The following PLCH1 variants were observed in gnomAD, a reference collection of about 807,000 sequenced individuals.
The protein encoded by PLCH1 is phospholipase C eta 1, also known as 1-phosphatidylinositol 4,5-bisphosphate phosphodiesterase eta-1.
PLCH1 carries 60 observed loss-of-function variants against 126.7 expected under a neutral mutation model. The ratio of observed to expected loss-of-function variants is 0.47; its 90% confidence interval spans 0.38 to 0.59. The LOEUF is 0.59. PLCH1 is among the 20% of genes least tolerant of loss of function. The pLI is 0.00. For synonymous variants in PLCH1, 719 were observed against 734.9 expected, an observed-to-expected ratio of 0.98 and a Z score of 0.35; for missense variants, 1,723 against 2,040.0, an observed-to-expected ratio of 0.84 and a Z score of 2.99.
chr3:155,589,065 G>A (rs967437974), intron 4 of PLCH1, among the ~76,000 whole-genome samples: 3 of 152,120 alleles, frequency 2.0e-5, no homozygotes, highest in Admixed American at 6.6e-5. Flanking sequence ...TTTAAAAAGA[G>A]AAACAGTCAT....
chr3:155,603,381 A>C (rs55711417), intron 2 of PLCH1, among the ~76,000 whole-genome samples: 74,354 of 152,020 alleles, frequency 0.49, 21,246 homozygotes, highest in Non-Finnish European at 0.65. Flanking sequence ...TCAGGGCAGA[A>C]GTAAAGGGTA....
At chr3:155,600,435 G>A (rs1288392488) in intron 2 of PLCH1, among the ~76,000 whole-genome samples, 2 of 152,108 alleles carry the variant, frequency 1.3e-5, no homozygotes, top group African/African-American at 4.8e-5. Flanking sequence ...GGTAAACAAG[G>A]GAAGAGTTCT....
At chr3:155,498,278 A>G (rs554111919) in intron 14 of PLCH1, among the ~76,000 whole-genome samples, 1 of 152,380 alleles carries the variant, frequency 6.6e-6, no homozygotes, top group Admixed American at 6.5e-5. Context: ...GAGATGCTGC[A>G]AAGCACTTCC....
At chr3:155,740,880 T>C (rs994145737) in intron 1 of PLCH1, among the ~76,000 whole-genome samples, 1 of 152,200 alleles carries the variant, frequency 6.6e-6, no homozygotes, top group African/African-American at 2.4e-5. Flanking sequence ...ATTTATACGA[T>C]ACATATGGTA....
intron 21 of PLCH1, among the ~76,000 whole-genome samples, chr3:155,469,469 C>G (rs1168445373): frequency 4.6e-5 from 7 of 152,034 alleles, no homozygotes; most frequent in African/African-American, 1.7e-4. Context: ...AGTCTGAGAT[C>G]AAACTGCAAG....
chr3:155,741,565 T>C (rs1387881488), intron 1 of PLCH1, among the ~76,000 whole-genome samples: 3 of 152,184 alleles, frequency 2.0e-5, no homozygotes, highest in Non-Finnish European at 4.4e-5. Context: ...GTCATGGCTG[T>C]AATGGATTTC....
Position 155,482,184 on chromosome 3 carries a change from T to C in PLCH1, c.3842A>G (p.Asp1281Gly). 6.2e-7 allele frequency: 1 copy of C among 1,614,208 alleles called. No individual in the cohort carries two copies. Among genetic ancestry groups the C allele is most frequent in the African/African-American group, 1.3e-5 (1 of 75,046 alleles). Residue 1281 changes from aspartate to glycine, a missense_variant, in exon 23 of 23, where the codon GAT becomes GGT. By Grantham distance (94) the Asp-to-Gly change is moderately conservative (BLOSUM62 -1). Transcript: ENST00000460012. ...CTPISKTKPDDDLSSKAKTAA... is the reference protein window; with the variant it reads ...CTPISKTKPDGDLSSKAKTAA... ...TGTCTTGGCCTTACTAGAAAGGTCA[T>C]CATCTGGTTTGGTTTTAGAGATGGG...
intron 1 of PLCH1, among the ~76,000 whole-genome samples, chr3:155,728,675 C>T (rs1748525953): frequency 1.3e-5 from 2 of 152,140 alleles, no homozygotes; most frequent in Admixed American, 1.3e-4. Context: ...ATGGCAGAGC[C>T]AGTAGTAGAT....
intron 4 of PLCH1, among the ~76,000 whole-genome samples, chr3:155,587,826 A>G (rs901142221): frequency 6.6e-6 from 1 of 152,228 alleles, no homozygotes; most frequent in African/African-American, 2.4e-5. Context: ...GATTTTTTCA[A>G]ATGGATGATT....
chr3:155,525,449 C>A (rs753581807), intron 10 of PLCH1, among the ~76,000 whole-genome samples: 21 of 152,166 alleles, frequency 1.4e-4, no homozygotes, highest in Non-Finnish European at 2.6e-4. Flanking sequence ...TAATCTTGGA[C>A]TTCCCAGCAT....
intron 2 of PLCH1, among the ~76,000 whole-genome samples, chr3:155,637,506 G>A (rs1519534): frequency 0.29 from 43,421 of 152,056 alleles, 6,680 homozygotes; most frequent in East Asian, 0.44. Flanking sequence ...ATAAGGAATC[G>A]ATTCAAAGTT....
chr3:155,651,358 C>G (rs958046349), intron 2 of PLCH1, among the ~76,000 whole-genome samples: 3 of 151,966 alleles, frequency 2.0e-5, no homozygotes, highest in Admixed American at 6.6e-5. Flanking sequence ...ATATTAAAAA[C>G]TATGCAGTTG....
At chr3:155,518,177 A>T (rs1720608669) in intron 11 of PLCH1, among the ~76,000 whole-genome samples, 1 of 152,240 alleles carries the variant, frequency 6.6e-6, no homozygotes, top group Admixed American at 6.5e-5. Flanking sequence ...ATTGTTTATT[A>T]TAGAATTTTT....
At chr3:155,678,899 A>G (rs1453064152) in intron 2 of PLCH1, among the ~76,000 whole-genome samples, 1 of 152,208 alleles carries the variant, frequency 6.6e-6, no homozygotes, top group Non-Finnish European at 1.5e-5. Flanking sequence ...AAAATAAAAA[A>G]CAATATTTCT....
chr3:155,726,306 C>A (rs910775024), intron 1 of PLCH1, among the ~76,000 whole-genome samples: 6 of 152,088 alleles, frequency 3.9e-5, no homozygotes, highest in African/African-American at 1.4e-4. Flanking sequence ...ATCTGAAAGG[C>A]CTTTATTGTG....
At chr3:155,550,026 T>A (rs1049874991) in intron 9 of PLCH1, 68 bp from the exon 10 acceptor site, 21 of 1,134,742 alleles carry the variant, frequency 1.9e-5, no homozygotes, top group Admixed American at 1.2e-4. Flanking sequence ...TTGAAAATGA[T>A]TCAGTATTCA....
At chr3:155,557,021 T>G (rs989495941) in intron 8 of PLCH1, among the ~76,000 whole-genome samples, 1 of 152,178 alleles carries the variant, frequency 6.6e-6, no homozygotes, top group Non-Finnish European at 1.5e-5. Context: ...CATTCACAGT[T>G]GATACCACAG....
At position 155,492,729 on chromosome 3, in the gene PLCH1, C is replaced by T; in HGVS notation, c.2307G>A (p.Glu769=). Residue 769 remains glutamate, a splice_region_variant and synonymous_variant, in exon 18 of 23, where the codon GAG becomes GAA. Coordinates refer to ENST00000460012, the MANE Select transcript of PLCH1 (RefSeq NM_014996.4). ...PPDSMFGDRG[E]IIDPFVEVEI... is the part of the protein sequence containing the mutation. ...AGACACGTAGTCATAGGCAACTTAC[C>T]TCGCCTCGATCTCCAAACATGGAGT... is the stretch of plus-strand genomic sequence containing the variant. 1.3e-6 allele frequency: 2 copies of T among 1,570,960 alleles called. No homozygotes were observed. The highest frequency in any genetic ancestry group is 1.7e-6 in the Non-Finnish European group (2 of 1,161,480).
At chr3:155,640,402 T>C (rs373260543) in intron 2 of PLCH1, among the ~76,000 whole-genome samples, 3 of 152,360 alleles carry the variant, frequency 2.0e-5, no homozygotes, top group African/African-American at 7.2e-5. Context: ...ATGTAATAAT[T>C]GTTCAGACTT....
Sources: allele counts gnomAD v4.1 joint callset (sites outside exome capture counted in the v4.1 genomes callset), GRCh38; gene constraint gnomAD v4.1.1; transcripts MANE v1.5; gene names NCBI Gene and HGNC (gene_info 2026-07-23, HGNC 2026-07-21).